Variants in SIRT1 observed in about 807,000 individuals in gnomAD.
The protein encoded by SIRT1 is sirtuin 1.
In SIRT1, 24 loss-of-function variants were observed where a neutral mutation model predicts 67.9. The ratio of observed to expected loss-of-function variants is 0.35; its 90% confidence interval spans 0.26 to 0.50. The LOEUF is 0.50. Among genes scored for constraint, SIRT1 ranks in the 20% least tolerant of loss-of-function variants. The pLI, the probability that SIRT1 is intolerant of heterozygous loss-of-function variation, is 0.98. For synonymous variants in SIRT1, 378 were observed against 350.7 expected, an observed-to-expected ratio of 1.08 and a Z score of -0.87; for missense variants, 873 against 937.2, an observed-to-expected ratio of 0.93 and a Z score of 0.89.
intron 4 of SIRT1, among the ~76,000 whole-genome samples, chr10:67,898,824 A>AG (rs1379992118): frequency 6.6e-6 from 1 of 152,180 alleles, no homozygotes; most frequent in African/African-American, 2.4e-5. Context: ...TGACAGAGCA[A>AG]GACCCATCCC....
intron 4 of SIRT1, among the ~76,000 whole-genome samples, chr10:67,895,173 A>G (rs536613278): frequency 1.3e-3 from 200 of 152,128 alleles, no homozygotes; most frequent in South Asian, 5.8e-3. Flanking sequence ...TAATCCCAGC[A>G]CTTTGGGAGG....
intron 4 of SIRT1, among the ~76,000 whole-genome samples, chr10:67,899,093 A>G (rs990189197): frequency 6.6e-6 from 1 of 152,052 alleles, no homozygotes; most frequent in Non-Finnish European, 1.5e-5. Flanking sequence ...AAACATGTCA[A>G]AGTTCTTCTT....
intron 4 of SIRT1, among the ~76,000 whole-genome samples, chr10:67,905,018 C>T (rs1001447925): frequency 1.3e-5 from 2 of 152,148 alleles, no homozygotes; most frequent in African/African-American, 4.8e-5. Context: ...ACAGTTAATT[C>T]AGGGACGGTG....
intron 3 of SIRT1, among the ~76,000 whole-genome samples, chr10:67,890,753 G>A (rs368923939): frequency 1.9e-4 from 28 of 149,572 alleles, no homozygotes; most frequent in East Asian, 1.6e-3. Flanking sequence ...ACAAAAAGCC[G>A]GGCGCGGTGG....
intron 3 of SIRT1, 101 bp from the exon 4 acceptor site, chr10:67,891,301 T>G: frequency 5.9e-6 from 6 of 1,015,216 alleles, no homozygotes; most frequent in South Asian, 1.8e-5. Flanking sequence ...CAGACTAAAA[T>G]TTTCTTTCTC....
intron 4 of SIRT1, among the ~76,000 whole-genome samples, chr10:67,897,514 G>A (rs1420518015): frequency 2.0e-5 from 3 of 151,912 alleles, no homozygotes; most frequent in African/African-American, 4.8e-5. Context: ...ACAGGTGCCC[G>A]CCACCATGCT....
At chr10:67,886,868 T>TC (rs2131845530) in intron 1 of SIRT1, among the ~76,000 whole-genome samples, 2 of 152,004 alleles carry the variant, frequency 1.3e-5, no homozygotes, top group Admixed American at 1.3e-4. Context: ...TCTTTTTTTT[T>TC]TTCCTTTTCT....
chr10:67,906,691 AATT>A (rs1842824991), intron 4 of SIRT1, 96 bp from the exon 5 acceptor site: 2 of 1,193,798 alleles, frequency 1.7e-6, no homozygotes, highest in Admixed American at 5.0e-5. Context: ...TCATTTTTAA[AATT>A]ATGTGTGTGG....
Position 67,912,706 on chromosome 10 carries a change from A to C in SIRT1, c.1590A>C (p.Thr530=). 1 of 1,614,040 alleles carries C rather than the reference A, an allele frequency of 6.2e-7. No individual in the cohort carries two copies. The highest frequency in any genetic ancestry group is 2.2e-5 in the East Asian group (1 of 44,864). The change falls in exon 8 of 9, where the codon ACA becomes ACC. Residue 530 remains threonine (T), a synonymous_variant. Transcript: ENST00000212015. ...ELAYLSELPP[T]PLHVSEDSSS... ...CTTATTTGTCAGAGTTGCCACCCAC[A>C]CCTCTTCATGTTTCAGAAGACTCAA... is the stretch of plus-strand genomic sequence containing the variant.
rs368002483 is a variant in SIRT1 at position 67,891,496 on chromosome 10, C to T, written c.884C>T (p.Ala295Val). 10 of 1,614,038 alleles carry T rather than the reference C, an allele frequency of 6.2e-6. No homozygotes were observed. Among genetic ancestry groups the T allele is most frequent in the Admixed American group, 1.7e-5 (1 of 60,018 alleles). Residue 295 changes from alanine to valine, a missense_variant, in exon 4 of 9, where the codon GCG (alanine) becomes GTG (valine). By Grantham distance (64) the Ala-to-Val change is moderately conservative. Transcript: ENST00000212015. ...VDFPDLPDPQ[A>V]MFDIEYFRKD... ...TTCCCAGATCTTCCAGATCCTCAAG[C>T]GATGTTTGATATTGAATATTTCAGA...
chr10:67,912,526 T>C lies in SIRT1; in HGVS notation c.1410T>C (p.Pro470=), dbSNP rs1372621832. 2 of 1,613,942 alleles carry C rather than the reference T, an allele frequency of 1.2e-6. No homozygotes were observed. The highest frequency in any genetic ancestry group is 8.5e-7 in the Non-Finnish European group (1 of 1,180,010). ...TATTAATTAATAGAGAACCTTTGCC[T>C]CATCTGCATTTTGATGTAGAGCTTC... The part of the protein sequence containing the change: ...PQILINREPL[P]HLHFDVELLG... The change falls in exon 8 of 9, where the codon CCT becomes CCC. Residue 470 remains proline (P), a synonymous_variant. Transcript: ENST00000212015.
rs772350811 is a variant in SIRT1 at position 67,906,952 on chromosome 10, G to C, written c.1090+15G>C. The C allele has an allele frequency of 1.9e-6, 3 of 1,547,888 alleles. No homozygotes were observed. The East Asian group carries it at 7.2e-5, about 37-fold the overall frequency. ...TCAGTGTCATGGTTAGTAAACTTCA[G>C]AGTGGTTTTCTGTAATTTATTTTAG... On this transcript the variant is annotated intron_variant, in intron 5 of 8. Coordinates refer to ENST00000212015, the MANE Select transcript of SIRT1 (RefSeq NM_012238.5).
chr10:67,902,730 A>AGGG (rs1427689537), intron 4 of SIRT1, among the ~76,000 whole-genome samples: 1 of 152,150 alleles, frequency 6.6e-6, no homozygotes, highest in African/African-American at 2.4e-5. Context: ...TATATATAGG[A>AGGG]GGGGGTGGAT....
chr10:67,910,608 T>G (rs1184715159), intron 7 of SIRT1, among the ~76,000 whole-genome samples: 4 of 152,204 alleles, frequency 2.6e-5, no homozygotes, highest in Non-Finnish European at 4.4e-5. Flanking sequence ...ATGTATAGTT[T>G]GGTAGAAGTG....
At chr10:67,890,607 C>G (rs991005936) in intron 3 of SIRT1, among the ~76,000 whole-genome samples, 1 of 151,878 alleles carries the variant, frequency 6.6e-6, no homozygotes, top group Admixed American at 6.6e-5. Context: ...CTGGTGCGTA[C>G]TTGTAGTCCC....
In SIRT1 at chr10:67,894,814, A is replaced by G. The variant is rs565475966; in HGVS notation, c.942+3260A>G. ...ATCCTCCACCTCCCGGGTTCAAGCA[A>G]TTCTCTTGCCTCAGCCTCCCAAGTA... On this transcript the variant is annotated intron_variant, in intron 4 of 8. Transcript: ENST00000212015. Among the ~76,000 whole-genome samples, 12 of 152,122 alleles carry G rather than the reference A, an allele frequency of 7.9e-5. No homozygotes were observed. The South Asian group carries it at 2.3e-3, about 29-fold the overall frequency.
chr10:67,899,391 T>C (rs958771417), intron 4 of SIRT1, among the ~76,000 whole-genome samples: 12 of 151,778 alleles, frequency 7.9e-5, no homozygotes, highest in Non-Finnish European at 5.9e-5. Context: ...GCAGTATCTT[T>C]CAAAAATCAT....
In SIRT1 at chr10:67,888,749, T is replaced by G. The variant is rs1842525244; in HGVS notation, c.548-133T>G. The G allele has an allele frequency of 1.4e-5, 13 of 959,914 alleles. No individual in the cohort carries two copies. The South Asian group carries it at 2.2e-4, about 16-fold the overall frequency. The allele number at this position is 959,914 out of a possible 1,614,324, so 59.5% of individuals were successfully genotyped here. ...GCATTAATTCTGAGTGTACCGAGAATGAAATACCATTAAATTGCATTTTCT... is the reference window on the plus strand; with the variant it reads ...GCATTAATTCTGAGTGTACCGAGAAGGAAATACCATTAAATTGCATTTTCT... On this transcript the variant is annotated intron_variant, in intron 2 of 8. Transcript: ENST00000212015.
intron 4 of SIRT1, among the ~76,000 whole-genome samples, chr10:67,896,816 C>G (rs1842665965): frequency 6.6e-6 from 1 of 151,172 alleles, no homozygotes; most frequent in Non-Finnish European, 1.5e-5. Context: ...CGTTTGTATC[C>G]CCACCCCAAG....
Sources: allele counts gnomAD v4.1 joint callset (sites outside exome capture counted in the v4.1 genomes callset), GRCh38; gene constraint gnomAD v4.1.1; transcripts MANE v1.5; gene names NCBI Gene and HGNC (gene_info 2026-07-23, HGNC 2026-07-21).